Variants in CMPK2 observed in about 807,000 individuals in gnomAD.
The protein encoded by CMPK2 is UMP-CMP kinase 2, mitochondrial.
CMPK2 carries 32 observed loss-of-function variants against 33.4 expected under a neutral mutation model. The observed-to-expected ratio is 0.96, with a 90% confidence interval of 0.72 to 1.29. CMPK2 has a LOEUF of 1.29. Among genes scored for constraint, CMPK2 ranks in the 50% most tolerant of loss-of-function variants. The pLI is 0.00. For synonymous variants in CMPK2, 299 were observed against 275.3 expected, an observed-to-expected ratio of 1.09 and a Z score of -0.85; for missense variants, 672 against 616.0, an observed-to-expected ratio of 1.09 and a Z score of -0.96.
At chr2:6,863,915 GTC>G (rs1274831480) in intron 1 of CMPK2, among the ~76,000 whole-genome samples, 2 of 152,238 alleles carry the variant, frequency 1.3e-5, no homozygotes, top group Non-Finnish European at 2.9e-5. Context: ...TGGGAACACT[GTC>G]TCACAAGAAT....
rs1256991218 is a variant in CMPK2, at chr2:6,865,007, G to A, written c.675+15C>T. ...AGATGCCACGCTGGGAGCTGGAAGCGGACAGAACTCTTACCTCCTCCAAAA... is the reference window on the plus strand; with the variant it reads ...AGATGCCACGCTGGGAGCTGGAAGCAGACAGAACTCTTACCTCCTCCAAAA... On this transcript the variant is annotated intron_variant, in intron 1 of 4. Coordinates refer to ENST00000256722, the MANE Select transcript of CMPK2 (RefSeq NM_207315.4). 1.4e-6 allele frequency: 2 copies of A among 1,407,604 alleles called. No individual in the cohort carries two copies. Among genetic ancestry groups the A allele is most frequent in the Non-Finnish European group, 1.9e-6 (2 of 1,078,770 alleles). The allele number at this position is 1,407,604 out of a possible 1,614,324, so 87.2% of individuals were successfully genotyped here.
Position 6,849,905 on chromosome 2 carries a change from T to C in CMPK2, c.1295A>G (p.Glu432Gly). ...CHVVDASPSR[E>G]KVLQTVLSLI... ...GCTTAATACCGTCTGCAGGACCTTT[T>C]CTCTGGAGGGGCTGGCATCAACCAC... Residue 432 changes from glutamate to glycine, a missense_variant, in exon 5 of 5, where the codon GAA (glutamate) becomes GGA (glycine). By Grantham distance (98) the Glu-to-Gly change is moderately conservative (BLOSUM62 -2). Transcript: ENST00000256722. 1 of 1,614,186 alleles carries C rather than the reference T, an allele frequency of 6.2e-7. No individual in the cohort carries two copies. The highest frequency in any genetic ancestry group is 8.5e-7 in the Non-Finnish European group (1 of 1,180,028).
upstream of CMPK2, chr2:6,865,952 G>T (rs2103231733): frequency 7.9e-7 from 1 of 1,266,628 alleles, no homozygotes. Flanking sequence ...TTGGCCCCGG[G>T]GCCCCAGGTG....
downstream of CMPK2, among the ~76,000 whole-genome samples, chr2:6,847,950 C>T (rs1382539778): frequency 1.3e-5 from 2 of 152,118 alleles, no homozygotes; most frequent in Admixed American, 6.5e-5. Flanking sequence ...AGGAACAAAA[C>T]CAAAGCTCGT....
rs998677302 is a variant in CMPK2 at position 6,849,105 on chromosome 2, C to T, written c.*745G>A. The T allele has an allele frequency of 2.0e-6, 2 of 984,102 alleles. No individual in the cohort carries two copies. Among genetic ancestry groups the T allele is most frequent in the Non-Finnish European group, 2.4e-6 (2 of 828,714 alleles). 61.0% of individuals were successfully genotyped at this position (984,102 alleles called of 1,614,324 possible). A position where few individuals can be genotyped will look rare whatever the true frequency, so the allele number is the denominator to read the frequency against. ...AATGTGCATTCTATTCAGAGCCATA[C>T]TTTAGAAAAAAAGAAAAGAAATATA... On this transcript the variant is annotated 3_prime_UTR_variant, in exon 5 of 5. Coordinates refer to ENST00000256722, the MANE Select transcript of CMPK2 (RefSeq NM_207315.4).
At chr2:6,866,008 G>A (rs1176609708), upstream of CMPK2, 7 of 600,470 alleles carry the variant, frequency 1.2e-5, no homozygotes, top group South Asian at 9.7e-5. Flanking sequence ...GGCTCCCGGG[G>A]CTGACACCGA....
chr2:6,865,177 GCCA>G lies in CMPK2; in HGVS notation c.517_519del (p.Trp173del). ...CCGTCTTGCACCTCCCAGAGGCGCTGCCACAGCTGGCCGCGCGGGTCGGCCTCG... is the reference window on the plus strand; with the variant it reads ...CCGTCTTGCACCTCCCAGAGGCGCTGCAGCTGGCCGCGCGGGTCGGCCTCG... On this transcript the variant is annotated inframe_deletion, in exon 1 of 5. Coordinates refer to ENST00000256722, the MANE Select transcript of CMPK2 (RefSeq NM_207315.4). The G allele has an allele frequency of 6.5e-7, 1 of 1,533,614 alleles. No homozygotes were observed. Among genetic ancestry groups the G allele is most frequent in the Non-Finnish European group, 8.7e-7 (1 of 1,142,974 alleles).
At chr2:6,851,130 C>G (rs1330887069) in intron 4 of CMPK2, 12 of 1,184,204 alleles carry the variant, frequency 1.0e-5, no homozygotes, top group African/African-American at 3.2e-5. Context: ...ATCTAGTGCT[C>G]TGTGTGATTA....
At position 6,849,315 on chromosome 2, in the gene CMPK2, A is replaced by G. The variant is rs896627188; in HGVS notation, c.*535T>C. The G allele has an allele frequency of 2.0e-6, 2 of 985,660 alleles. No individual in the cohort carries two copies. The highest frequency in any genetic ancestry group is 6.1e-5 in the Admixed American group (1 of 16,262). The allele number at this position is 985,660 out of a possible 1,614,324, so 61.1% of individuals were successfully genotyped here. ...TCTGCAGGAGTGTCCTTGGGCAGCC[A>G]GGACACATAGACAGCCTCTGCAGGA... On this transcript the variant is annotated 3_prime_UTR_variant, in exon 5 of 5. Coordinates refer to ENST00000256722, the MANE Select transcript of CMPK2 (RefSeq NM_207315.4).
chr2:6,847,209 G>C (rs1662383961), downstream of CMPK2, among the ~76,000 whole-genome samples: 2 of 152,130 alleles, frequency 1.3e-5, no homozygotes, highest in Non-Finnish European at 2.9e-5. Flanking sequence ...AGAAAGCCTG[G>C]CCTAGGACCT....
chr2:6,849,845 A>C lies in CMPK2; in HGVS notation c.*5T>G. 1 of 1,613,838 alleles carries C rather than the reference A, an allele frequency of 6.2e-7. No homozygotes were observed. The highest frequency in any genetic ancestry group is 2.2e-5 in the East Asian group (1 of 44,872). On this transcript the variant is annotated 3_prime_UTR_variant, in exon 5 of 5. Transcript: ENST00000256722. ...CTAGTTAGACGTGGCACCTGGCCAG[A>C]GTAACTACGGTTCACTAAAACTATT...
At chr2:6,860,962 A>G (rs1270459757) in intron 3 of CMPK2, among the ~76,000 whole-genome samples, 1 of 152,212 alleles carries the variant, frequency 6.6e-6, no homozygotes, top group Non-Finnish European at 1.5e-5. Flanking sequence ...TACTAGTATT[A>G]TATATGTAAT....
intron 4 of CMPK2, 23 bp downstream of exon 4, chr2:6,851,427 T>C (rs752698891): frequency 2.2e-5 from 35 of 1,613,990 alleles, no homozygotes; most frequent in South Asian, 8.8e-5. Flanking sequence ...GCCGCTCACA[T>C]TGCATTGCAC....
intron 4 of CMPK2, chr2:6,851,137 A>G: frequency 8.3e-7 from 1 of 1,201,272 alleles, no homozygotes; most frequent in Non-Finnish European, 1.0e-6. Flanking sequence ...GCTCTGTGTG[A>G]TTATACTATG....
chr2:6,842,047 G>A (rs1662246830), intron 3 of CMPK2, among the ~76,000 whole-genome samples: 1 of 152,170 alleles, frequency 6.6e-6, no homozygotes, highest in South Asian at 2.1e-4. Flanking sequence ...CCTGGTGAAA[G>A]AGGTGTGCTT....
At chr2:6,847,524 G>A (rs1572132061), downstream of CMPK2, among the ~76,000 whole-genome samples, 2 of 152,184 alleles carry the variant, frequency 1.3e-5, no homozygotes, top group South Asian at 4.1e-4. Flanking sequence ...CCCTGTGCTA[G>A]TTCCCTTATC....
chr2:6,849,006 GA>G lies in CMPK2; in HGVS notation c.*843del. 1.0e-6 allele frequency: 1 copy of G among 984,164 alleles called. No individual in the cohort carries two copies. The allele number at this position is 984,164 out of a possible 1,614,324, so 61.0% of individuals were successfully genotyped here. A position where few individuals can be genotyped will look rare whatever the true frequency, so the allele number is the denominator to read the frequency against. On this transcript the variant is annotated 3_prime_UTR_variant, in exon 5 of 5. Transcript: ENST00000256722. ...AATGAATCATAGCTCCTATGCTGAG[GA>G]AACATATTATGTATAGATTAATATA...
In CMPK2 at chr2:6,865,671, C is replaced by G. The variant is rs753593649; in HGVS notation, c.26G>C (p.Arg9Pro). The G allele has an allele frequency of 1.5e-5, 20 of 1,306,954 alleles. No homozygotes were observed. In the South Asian group the frequency reaches 1.8e-4, roughly 12 times the overall value. 81.0% of individuals were successfully genotyped at this position (1,306,954 alleles called of 1,614,324 possible). A position where few individuals can be genotyped will look rare whatever the true frequency, so the allele number is the denominator to read the frequency against. Residue 9 changes from arginine (R) to proline (P), a missense_variant, in exon 1 of 5, where the codon CGC becomes CCC. Physicochemically the swap from Arg to Pro is moderately radical, Grantham distance 103. Coordinates refer to ENST00000256722, the MANE Select transcript of CMPK2 (RefSeq NM_207315.4). Reference sequence around the variant, plus strand: ...GAGCAGCGGCCCCGACAGTGGCCCGCGCAGGAGCCGGCGGGCGAAGGCCAT... The same window carrying G: ...GAGCAGCGGCCCCGACAGTGGCCCGGGCAGGAGCCGGCGGGCGAAGGCCAT... MAFARRLLRGPLSGPLLGR... is the reference protein window; with the variant it reads MAFARRLLPGPLSGPLLGR...
At chr2:6,863,609 A>C in intron 1 of CMPK2, 31 bp from the exon 2 acceptor site, 1 of 1,543,558 alleles carries the variant, frequency 6.5e-7, no homozygotes. Context: ...ATCAGCAATG[A>C]AGCCAGGGGG....
Sources: allele counts gnomAD v4.1 joint callset (sites outside exome capture counted in the v4.1 genomes callset), GRCh38; gene constraint gnomAD v4.1.1; transcripts MANE v1.5; gene names NCBI Gene and HGNC (gene_info 2026-07-23, HGNC 2026-07-21).